SH3D19: variants seen among roughly 807,000 people sequenced by gnomAD.
SH3D19 encodes the protein SH3 domain containing 19, also known as SH3 domain-containing protein 19.
SH3D19 carries 58 observed loss-of-function variants against 112.1 expected under a neutral mutation model. The observed-to-expected ratio is 0.52, with a 90% CI of 0.42 to 0.64. SH3D19 has a LOEUF of 0.64. SH3D19 is among the 30% of genes least tolerant of loss of function. The pLI is 0.00. For missense variants in SH3D19, 1,090 were observed against 1,263.4 expected (o/e 0.86, Z 2.08); for synonymous variants, 391 against 448.5 (o/e 0.87, Z 1.62).
intron 1 of SH3D19, chr4:151,279,920 T>G: frequency 1.9e-6 from 3 of 1,613,628 alleles, no homozygotes; most frequent in Non-Finnish European, 2.5e-6. Context: ...CCCTCGTCAG[T>G]GAGAGGTTGA....
In SH3D19 at chr4:151,176,801, T is replaced by C; in HGVS notation, c.375+16A>G. The C allele has an allele frequency of 1.6e-6, 2 of 1,231,932 alleles. No homozygotes were observed. The highest frequency in any genetic ancestry group is 4.2e-5 in the Admixed American group (1 of 23,720). The allele number at this position is 1,231,932 out of a possible 1,614,324, so 76.3% of individuals were successfully genotyped here. A position where few individuals can be genotyped will look rare whatever the true frequency, so the allele number is the denominator to read the frequency against. On this transcript the variant is annotated intron_variant, in intron 5 of 19. Transcript: ENST00000604030. ...TAAAAAATAAAATGCAAAGAGATAA[T>C]GTAATGTTTATTCACCTCAGCAGGA...
In SH3D19 at chr4:151,185,068, T is replaced by A. The variant is rs1340276891; in HGVS notation, c.193+2355A>T. Among the ~76,000 whole-genome samples the A allele has an allele frequency of 7.3e-5, 7 of 95,726 alleles. No homozygotes were observed. The East Asian group carries it at 1.9e-3, about 25-fold the overall frequency. 62.8% of individuals were successfully genotyped at this position (95,726 alleles called of 152,430 possible). ...TTTTTTTTTTTTTTTTTTTTTTTTT[T>A]AACTCTGACCATTCCTTTTAAGCTT... On this transcript the variant is annotated intron_variant, in intron 3 of 19. Coordinates refer to ENST00000604030, the MANE Select transcript of SH3D19 (RefSeq NM_001378122.1).
At chr4:151,255,731 G>A (rs1200967953) in intron 1 of SH3D19, among the ~76,000 whole-genome samples, 2 of 152,236 alleles carry the variant, frequency 1.3e-5, no homozygotes, top group African/African-American at 2.4e-5. Context: ...CTCCAGCCTG[G>A]GCACCATTGA....
intron 19 of SH3D19, among the ~76,000 whole-genome samples, chr4:151,125,492 C>CAGAAAAAAAAAAAAAAAA (rs1749031984): frequency 8.3e-6 from 1 of 119,966 alleles, no homozygotes; most frequent in African/African-American, 3.7e-5. Flanking sequence ...AAAACAAAAC[C>CAGAAAAAAAAAAAAAAAA]AAAAAAAAAA....
At chr4:151,137,018 T>C (rs1468240377) in intron 14 of SH3D19, among the ~76,000 whole-genome samples, 1 of 152,200 alleles carries the variant, frequency 6.6e-6, no homozygotes, top group Non-Finnish European at 1.5e-5. Flanking sequence ...GTAAGTTATA[T>C]CAGGGACCGA....
intron 7 of SH3D19, among the ~76,000 whole-genome samples, chr4:151,169,796 G>C (rs541562618): frequency 6.6e-6 from 1 of 152,178 alleles, no homozygotes; most frequent in Non-Finnish European, 1.5e-5. Context: ...AGCATCAGCA[G>C]AAGTGAACAT....
At chr4:151,200,494 A>G (rs1025543741) in intron 2 of SH3D19, among the ~76,000 whole-genome samples, 3 of 152,190 alleles carry the variant, frequency 2.0e-5, no homozygotes, top group African/African-American at 7.2e-5. Flanking sequence ...AAATTTTACT[A>G]CTGCTAATGA....
chr4:151,237,046 C>G (rs912646052), intron 1 of SH3D19, among the ~76,000 whole-genome samples: 1 of 152,190 alleles, frequency 6.6e-6, no homozygotes, highest in East Asian at 1.9e-4. Flanking sequence ...TCACTCTTCA[C>G]GATAAACCTT....
chr4:151,267,809 T>G (rs1772926509), intron 1 of SH3D19, among the ~76,000 whole-genome samples: 1 of 152,122 alleles, frequency 6.6e-6, no homozygotes, highest in African/African-American at 2.4e-5. Flanking sequence ...AAAGGGGGAC[T>G]GGTTTTAAAG....
intron 2 of SH3D19, among the ~76,000 whole-genome samples, chr4:151,198,446 A>AT (rs1763898353): frequency 1.5e-5 from 2 of 131,270 alleles, no homozygotes; most frequent in East Asian, 2.1e-4. Flanking sequence ...AATATATATA[A>AT]AAATATATAT....
At chr4:151,248,850 A>G (rs937402931) in intron 1 of SH3D19, among the ~76,000 whole-genome samples, 5 of 152,192 alleles carry the variant, frequency 3.3e-5, no homozygotes, top group African/African-American at 9.7e-5. Flanking sequence ...ACGCACTTCA[A>G]TGGAAACATA....
chr4:151,264,016 G>C (rs1028082298), intron 1 of SH3D19, among the ~76,000 whole-genome samples: 11 of 152,180 alleles, frequency 7.2e-5, no homozygotes, highest in Non-Finnish European at 1.0e-4. Context: ...TGTTGCCCAG[G>C]GTGGTCTTGA....
chr4:151,147,988 A>C lies in SH3D19; in HGVS notation c.2016T>G (p.Phe672Leu), dbSNP rs1310976116. 5.0e-6 allele frequency: 8 copies of C among 1,614,048 alleles called. No homozygotes were observed. The highest frequency in any genetic ancestry group is 6.8e-6 in the Non-Finnish European group (8 of 1,180,018). ...TGLSKAKSQV[F>L]KNQDPVLPPR... ...GGGGTAGCACCGGATCTTGATTTTTAAAAACTTGACTCTTGGCTTTTGAGA... is the reference window on the plus strand; with the variant it reads ...GGGGTAGCACCGGATCTTGATTTTTCAAAACTTGACTCTTGGCTTTTGAGA... The change falls in exon 11 of 20, where the codon TTT becomes TTG. Residue 672 changes from phenylalanine to leucine, a missense_variant. Phe to Leu is a conservative substitution (Grantham distance 22, BLOSUM62 0). Coordinates refer to ENST00000604030, the MANE Select transcript of SH3D19 (RefSeq NM_001378122.1).
intron 12 of SH3D19, among the ~76,000 whole-genome samples, chr4:151,141,559 C>A (rs1752992697): frequency 6.6e-6 from 1 of 152,154 alleles, no homozygotes; most frequent in Admixed American, 6.5e-5. Flanking sequence ...GTGTGAGGAT[C>A]TCTTGAGCCC....
At chr4:151,195,309 G>A (rs369374193) in intron 2 of SH3D19, among the ~76,000 whole-genome samples, 31 of 144,052 alleles carry the variant, frequency 2.2e-4, no homozygotes, top group African/African-American at 8.0e-4. Flanking sequence ...CAGGCGGAGC[G>A]TGCAGTGAGC....
chr4:151,325,163 G>T (rs1730926955), intron 1 of SH3D19, 78 bp downstream of exon 1: 1 of 774,506 alleles, frequency 1.3e-6, no homozygotes, highest in Non-Finnish European at 1.7e-6. Flanking sequence ...AGGAGCTGCC[G>T]CTGTGTGGGG....
chr4:151,256,040 G>GAGAGGA (rs1488180750), intron 1 of SH3D19, among the ~76,000 whole-genome samples: 1 of 151,068 alleles, frequency 6.6e-6, no homozygotes, highest in African/African-American at 2.5e-5. Context: ...GAGGGAGAGG[G>GAGAGGA]AGAGGGAGAG....
At chr4:151,150,322 C>CATCT (rs1554037770) in intron 9 of SH3D19, among the ~76,000 whole-genome samples, 1 of 123,750 alleles carries the variant, frequency 8.1e-6, no homozygotes, top group African/African-American at 3.0e-5. Flanking sequence ...TATATATATA[C>CATCT]ATATATATAT....
At chr4:151,183,362 G>A (rs2149841886) in intron 3 of SH3D19, among the ~76,000 whole-genome samples, 1 of 152,266 alleles carries the variant, frequency 6.6e-6, no homozygotes, top group Non-Finnish European at 1.5e-5. Flanking sequence ...AAGTTGAGAT[G>A]TAGATGTGCA....
Sources: gnomAD v4.1 joint callset for allele counts (sites outside exome capture counted in the v4.1 genomes callset) on GRCh38, gnomAD v4.1.1 for gene constraint, MANE v1.5 for transcripts, NCBI Gene and HGNC (gene_info 2026-07-23, HGNC 2026-07-21) for gene names.